The following SLC17A2 variants were observed in gnomAD, a reference collection of about 807,000 sequenced individuals.
SLC17A2 encodes the protein sodium-dependent phosphate transport protein 3.
SLC17A2 carries 38 observed loss-of-function variants against 52.1 expected under a neutral mutation model. The ratio of observed to expected loss-of-function variants is 0.73; its 90% confidence interval spans 0.56 to 0.96. The LOEUF is 0.96. Ranked by LOEUF, SLC17A2 falls within the 40% of genes least tolerant of loss-of-function variation. The probability of loss-of-function intolerance (pLI) is 0.00; values close to 1 mark genes in which losing one functional copy is unlikely to be tolerated. For synonymous variants in SLC17A2, 226 were observed against 211.9 expected (o/e 1.07, Z -0.58); for missense variants, 508 against 583.9 (o/e 0.87, Z 1.34).
intron 6 of SLC17A2, 72 bp from the exon 7 acceptor site, chr6:25,917,159 G>C (rs1766357903): frequency 1.9e-6 from 2 of 1,031,174 alleles, no homozygotes; most frequent in African/African-American, 1.6e-5. Flanking sequence ...CTCTGAAGTG[G>C]CATGCCTCTC....
intron 1 of SLC17A2, among the ~76,000 whole-genome samples, chr6:25,927,034 A>G (rs992745888): frequency 1.3e-5 from 2 of 152,204 alleles, no homozygotes; most frequent in African/African-American, 4.8e-5. Context: ...CCACTGCACT[A>G]CAGCTTGGGG....
chr6:25,921,084 A>C lies in SLC17A2; in HGVS notation c.484T>G (p.Trp162Gly). 1 of 1,614,196 alleles carries C rather than the reference A, an allele frequency of 6.2e-7. No homozygotes were observed. Among genetic ancestry groups the C allele is most frequent in the Non-Finnish European group, 8.5e-7 (1 of 1,180,022 alleles). ...GCCCAAATAGTAAACTGACCTGTCCATGCCATTCCCTGAAATGAAAATCAT... is the reference window on the plus strand; with the variant it reads ...GCCCAAATAGTAAACTGACCTGTCCCTGCCATTCCCTGAAATGAAAATCAT... ...TVQGMAQGMA[W>G]TGQFTIWAKW... The change falls in exon 5 of 12, where the codon TGG becomes GGG. Residue 162 changes from tryptophan to glycine, a missense_variant. Trp to Gly is a radical substitution (Grantham distance 184, BLOSUM62 -2). Transcript: ENST00000377850.
At position 25,912,842 on chromosome 6, in the gene SLC17A2, AATT is replaced by A. The variant is rs57029078; in HGVS notation, c.*472_*474del. The A allele has an allele frequency of 0.032, 4,854 of 152,622 alleles. 246 individuals carry two copies. The highest frequency in any genetic ancestry group is 0.1 in the African/African-American group (4,350 of 41,520). The allele number at this position is 152,622 out of a possible 1,614,324, so 9.5% of individuals were successfully genotyped here. ...ATGTATAAAAAATAATAAAAACTTT[AATT>A]CTGGGGATTATAGCTTTACAGTTCC... On this transcript the variant is annotated 3_prime_UTR_variant, in exon 12 of 12. Transcript: ENST00000377850.
At chr6:25,924,038 G>A in intron 2 of SLC17A2, 132 bp from the exon 3 acceptor site, 1 of 703,998 alleles carries the variant, frequency 1.4e-6, no homozygotes, top group Non-Finnish European at 2.4e-6. Flanking sequence ...CACCAAAATA[G>A]CCAGCACTAC....
chr6:25,921,471 C>T (rs1766559098), intron 3 of SLC17A2, 59 bp from the exon 4 acceptor site: 5 of 1,259,700 alleles, frequency 4.0e-6, no homozygotes, highest in Non-Finnish European at 5.7e-6. Flanking sequence ...ATCTACTTTA[C>T]AGTCAGAGTT....
intron 5 of SLC17A2, among the ~76,000 whole-genome samples, chr6:25,919,280 C>T (rs1008815467): frequency 1.3e-5 from 2 of 151,702 alleles, no homozygotes; most frequent in Non-Finnish European, 2.9e-5. Context: ...GATTTTAACC[C>T]GCTCAATGGA....
At position 25,914,667 on chromosome 6, in the gene SLC17A2, A is replaced by G. The variant is rs1299025573; in HGVS notation, c.1215T>C (p.Tyr405=). ...TTGAGATTCCCATGAGGAAACTTGC[A>G]TATCTGTGGGAAGATGATTTTATAA... is the stretch of plus-strand genomic sequence containing the variant. ...IINTLDIAPR[Y]ASFLMGISRG... The change falls in exon 11 of 12, where the codon TAT becomes TAC. Residue 405 remains tyrosine (Y), a synonymous_variant. Coordinates refer to ENST00000377850, the MANE Select transcript of SLC17A2 (RefSeq NM_001286123.3). 4.4e-6 allele frequency: 7 copies of G among 1,593,168 alleles called. No individual in the cohort carries two copies. The African/African-American group carries it at 8.0e-5, about 18-fold the overall frequency.
At position 25,930,472 on chromosome 6, in the gene SLC17A2, C is replaced by T. The variant is rs1766911139; in HGVS notation, c.-279G>A. The T allele has an allele frequency of 6.6e-6, 1 of 152,172 alleles. No individual in the cohort carries two copies. The highest frequency in any genetic ancestry group is 1.5e-5 in the Non-Finnish European group (1 of 68,032). The allele number at this position is 152,172 out of a possible 1,614,324, so 9.4% of individuals were successfully genotyped here. A position where few individuals can be genotyped will look rare whatever the true frequency, so the allele number is the denominator to read the frequency against. Reference sequence around the variant, plus strand: ...TCTCTGACTTCTCCTAAAACTGTTCCCTCCCCTTAATGGACCTTTGGTAAG... The same window carrying T: ...TCTCTGACTTCTCCTAAAACTGTTCTCTCCCCTTAATGGACCTTTGGTAAG... On this transcript the variant is annotated 5_prime_UTR_variant, in exon 1 of 12. Transcript: ENST00000377850.
intron 1 of SLC17A2, among the ~76,000 whole-genome samples, chr6:25,928,839 TA>T (rs918617030): frequency 1.4e-4 from 21 of 151,076 alleles, no homozygotes; most frequent in East Asian, 7.8e-4. Flanking sequence ...GATATACCTC[TA>T]AAAAAAAATT....
rs759961187 is a variant in SLC17A2 at position 25,925,760 on chromosome 6, T to C, written c.28+9A>G. ...TAACATAGCCTGCAAACAAGAGCAGTGGCTTTACCTTTCCTGGTGGCAGGC... is the reference window on the plus strand; with the variant it reads ...TAACATAGCCTGCAAACAAGAGCAGCGGCTTTACCTTTCCTGGTGGCAGGC... On this transcript the variant is annotated intron_variant, in intron 2 of 11. Coordinates refer to ENST00000377850, the MANE Select transcript of SLC17A2 (RefSeq NM_001286123.3). 1.1e-5 allele frequency: 18 copies of C among 1,613,582 alleles called. No homozygotes were observed. The African/African-American group carries it at 1.9e-4, about 17-fold the overall frequency.
chr6:25,917,175 T>C, intron 6 of SLC17A2, 88 bp from the exon 7 acceptor site: 1 of 848,630 alleles, frequency 1.2e-6, no homozygotes, highest in Non-Finnish European at 2.0e-6. Flanking sequence ...CTCTCCCTTC[T>C]ACACACTAAT....
intron 5 of SLC17A2, among the ~76,000 whole-genome samples, chr6:25,919,727 A>AT (rs1766478124): frequency 6.9e-6 from 1 of 144,284 alleles, no homozygotes; most frequent in African/African-American, 2.6e-5. Flanking sequence ...AAAAAAAAAA[A>AT]GGTTTAGGAA....
intron 6 of SLC17A2, among the ~76,000 whole-genome samples, chr6:25,918,285 C>T (rs1003082489): frequency 2.6e-5 from 4 of 152,128 alleles, no homozygotes; most frequent in East Asian, 3.9e-4. Flanking sequence ...CTACCTTGTG[C>T]GTGTGGCTTC....
In SLC17A2 at chr6:25,921,452, A is replaced by G. The variant is rs1340030454; in HGVS notation, c.241-40T>C. On this transcript the variant is annotated intron_variant, in intron 3 of 11. Coordinates refer to ENST00000377850, the MANE Select transcript of SLC17A2 (RefSeq NM_001286123.3). ...GGAAAACTCTTTGTCAAGAAGTCCTATTATGAAAATCTACTTTACAGTCAG... is the reference window on the plus strand; with the variant it reads ...GGAAAACTCTTTGTCAAGAAGTCCTGTTATGAAAATCTACTTTACAGTCAG... The G allele has an allele frequency of 4.2e-6, 6 of 1,442,150 alleles. No individual in the cohort carries two copies. In the Admixed American group the frequency reaches 5.2e-5, roughly 13 times the overall value. 89.3% of individuals were successfully genotyped at this position (1,442,150 alleles called of 1,614,324 possible). A position where few individuals can be genotyped will look rare whatever the true frequency, so the allele number is the denominator to read the frequency against.
intron 4 of SLC17A2, 37 bp from the exon 5 acceptor site, chr6:25,921,130 A>G: frequency 6.2e-7 from 1 of 1,613,536 alleles, no homozygotes; most frequent in Non-Finnish European, 8.5e-7. Flanking sequence ...GATATTTTGT[A>G]GAATTCAGAA....
chr6:25,919,278 C>T (rs1766448246), intron 5 of SLC17A2, among the ~76,000 whole-genome samples: 1 of 151,960 alleles, frequency 6.6e-6, no homozygotes, highest in African/African-American at 2.4e-5. Flanking sequence ...ATGATTTTAA[C>T]CCGCTCAATG....
At chr6:25,928,844 A>T (rs1766853581) in intron 1 of SLC17A2, among the ~76,000 whole-genome samples, 1 of 152,226 alleles carries the variant, frequency 6.6e-6, no homozygotes, top group Non-Finnish European at 1.5e-5. Context: ...ACCTCTAAAA[A>T]AAAATTGTGA....
intron 4 of SLC17A2, 25 bp from the exon 5 acceptor site, chr6:25,921,118 T>C (rs780167778): frequency 6.2e-7 from 1 of 1,613,684 alleles, no homozygotes; most frequent in Non-Finnish European, 8.5e-7. Context: ...ATTAAGACCT[T>C]TGATATTTTG....
At chr6:25,916,906 G>A in intron 7 of SLC17A2, 60 bp from the exon 8 acceptor site, 1 of 1,606,426 alleles carries the variant, frequency 6.2e-7, no homozygotes, top group Non-Finnish European at 8.5e-7. Flanking sequence ...GCCTCTCAGA[G>A]GAGATCCACA....
Sources: gnomAD v4.1 joint callset for allele counts (sites outside exome capture counted in the v4.1 genomes callset) on GRCh38, gnomAD v4.1.1 for gene constraint, MANE v1.5 for transcripts, NCBI Gene and HGNC (gene_info 2026-07-23, HGNC 2026-07-21) for gene names.